REV3L: variants seen among roughly 807,000 people sequenced by gnomAD.
The protein encoded by REV3L is DNA polymerase zeta catalytic subunit.
Under a neutral mutation model 299.4 loss-of-function variants are expected in REV3L, and 69 were observed. The ratio of observed to expected loss-of-function variants is 0.23; its 90% confidence interval spans 0.19 to 0.28. The LOEUF (loss-of-function observed/expected upper bound fraction) is 0.28, where lower values mean the gene tolerates loss of function less well. Among genes scored for constraint, REV3L ranks in the 10% least tolerant of loss-of-function variants. The probability of loss-of-function intolerance (pLI) is 1.00; values close to 1 mark genes in which losing one functional copy is unlikely to be tolerated. For synonymous variants in REV3L, 1,238 were observed against 1,271.4 expected, an observed-to-expected ratio of 0.97 and a Z score of 0.56; for missense variants, 3,128 against 3,693.8, an observed-to-expected ratio of 0.85 and a Z score of 3.97.
At chr6:111,337,697 T>C (rs1195929712) in intron 21 of REV3L, among the ~76,000 whole-genome samples, 1 of 152,204 alleles carries the variant, frequency 6.6e-6, no homozygotes, top group Admixed American at 6.5e-5. Flanking sequence ...TATTATGAGT[T>C]TGATAGACAA....
chr6:111,437,699 A>ACAC (rs1414145298), intron 1 of REV3L, among the ~76,000 whole-genome samples: 1 of 152,128 alleles, frequency 6.6e-6, no homozygotes, highest in Admixed American at 6.5e-5. Flanking sequence ...ATTGGTGGGA[A>ACAC]ATGAGTACTG....
At chr6:111,462,613 G>A (rs185617586) in intron 1 of REV3L, among the ~76,000 whole-genome samples, 3 of 152,180 alleles carry the variant, frequency 2.0e-5, no homozygotes, top group African/African-American at 7.2e-5. Context: ...ACAATGAGAT[G>A]TTTTAAATTA....
rs985558929 is a variant in REV3L at position 111,468,955 on chromosome 6, G to GT, written c.139+13794dup. ...GCGGGTGAATCATTTGAGGTCAGGA[G>GT]TTTGAAACCAGCCTGGCCAAAATGG... is the stretch of plus-strand genomic sequence containing the variant. On this transcript the variant is annotated intron_variant, in intron 1 of 31. Transcript: ENST00000368802. 1.8e-4 allele frequency among the ~76,000 whole-genome samples: 27 copies of GT among 152,250 alleles called. 1 individual carries two copies. In the South Asian group the frequency reaches 2.7e-3, roughly 15 times the overall value.
At position 111,329,584 on chromosome 6, in the gene REV3L, A is replaced by G; in HGVS notation, c.8189T>C (p.Val2730Ala). The G allele has an allele frequency of 6.2e-7, 1 of 1,614,162 alleles. No individual in the cohort carries two copies. The highest frequency in any genetic ancestry group is 1.1e-5 in the South Asian group (1 of 91,082). Residue 2730 changes from valine to alanine, a missense_variant, in exon 25 of 32, where the codon GTC becomes GCC. Val to Ala is a moderately conservative substitution (Grantham distance 64, BLOSUM62 0). This residue lies in a region of REV3L where 53 missense variants were observed against 57.4 expected (regional missense o/e 0.92). Transcript: ENST00000368802. The part of the protein sequence containing the change: ...RQLGLKLIAN[V>A]TFGYTSANFS... ...ATTAGCAGATGTATAGCCAAATGTG[A>G]CATTTGCTATCAGCTTAAGTCCCAA... is the stretch of plus-strand genomic sequence containing the variant.
In REV3L at chr6:111,381,330, A is replaced by C. The variant is rs563350369; in HGVS notation, c.1211T>G (p.Val404Gly). 6.8e-6 allele frequency: 11 copies of C among 1,613,460 alleles called. No individual in the cohort carries two copies. In the South Asian group the frequency reaches 1.1e-4, roughly 16 times the overall value. The change falls in exon 10 of 32, where the codon GTT becomes GGT. Residue 404 changes from valine (V) to glycine (G), a missense_variant. By Grantham distance (109) the Val-to-Gly change is moderately radical. This residue lies in a region of REV3L where 2,409 missense variants were observed against 2,611.8 expected (regional missense o/e 0.92). Transcript: ENST00000368802. ...PLTQRLSESP[V>G]FMDSSPDEAL... ...ATGGTAGCACTGTTACTTACTGAAAACAGGTGACTCACTCAGTCTTTGGGT... is the reference window on the plus strand; with the variant it reads ...ATGGTAGCACTGTTACTTACTGAAACCAGGTGACTCACTCAGTCTTTGGGT...
chr6:111,450,508 C>CAAAAAAAAAAAAAAAAAAAAAAAAA (rs1789400781), intron 1 of REV3L, among the ~76,000 whole-genome samples: 1 of 94,282 alleles, frequency 1.1e-5, no homozygotes. Flanking sequence ...AAAAAAAAAC[C>CAAAAAAAAAAAAAAAAAAAAAAAAA]AAAAAACATT....
Position 111,307,333 on chromosome 6 carries a change from A to C in REV3L, c.9252+28T>G, listed in dbSNP as rs780368582. ...TTCCTGTAAGATCAGACTGCTTGTG[A>C]TTCTGGGCCCATGGAACAAAACTGT... On this transcript the variant is annotated intron_variant, in intron 31 of 31. Coordinates refer to ENST00000368802, the MANE Select transcript of REV3L (RefSeq NM_001372078.1). 9 of 1,589,372 alleles carry C rather than the reference A, an allele frequency of 5.7e-6. No individual in the cohort carries two copies. The African/African-American group carries it at 1.1e-4, about 19-fold the overall frequency.
At chr6:111,400,247 T>C (rs1782951664) in intron 4 of REV3L, among the ~76,000 whole-genome samples, 1 of 152,204 alleles carries the variant, frequency 6.6e-6, no homozygotes. Flanking sequence ...TAGGTAAACA[T>C]ACCTAGGAGT....
intron 1 of REV3L, among the ~76,000 whole-genome samples, chr6:111,467,143 C>G (rs776010477): frequency 6.6e-6 from 1 of 152,062 alleles, no homozygotes; most frequent in Non-Finnish European, 1.5e-5. Context: ...AGAAAGGGTT[C>G]GACAACTTTA....
At chr6:111,435,140 A>G (rs1787402441) in intron 1 of REV3L, among the ~76,000 whole-genome samples, 1 of 152,194 alleles carries the variant, frequency 6.6e-6, no homozygotes, top group Admixed American at 6.5e-5. Context: ...CCAGAAGTCA[A>G]GGCTGCAGTG....
chr6:111,460,741 T>C (rs975224658), intron 1 of REV3L, among the ~76,000 whole-genome samples: 2 of 152,228 alleles, frequency 1.3e-5, no homozygotes, highest in Non-Finnish European at 2.9e-5. Flanking sequence ...ATATTTTTCT[T>C]ATTTGCAATT....
chr6:111,365,269 G>C lies in REV3L; in HGVS notation c.6749C>G (p.Ala2250Gly), dbSNP rs778440867. 4 of 1,501,414 alleles carry C rather than the reference G, an allele frequency of 2.7e-6. No homozygotes were observed. In the Admixed American group the frequency reaches 8.4e-5, roughly 31 times the overall value. 93.0% of individuals were successfully genotyped at this position (1,501,414 alleles called of 1,614,324 possible). A position where few individuals can be genotyped will look rare whatever the true frequency, so the allele number is the denominator to read the frequency against. Residue 2250 changes from alanine to glycine, a missense_variant, in exon 15 of 32, where the codon GCA becomes GGA. By Grantham distance (60) the Ala-to-Gly change is moderately conservative (BLOSUM62 0). Transcript: ENST00000368802. ...DTLRRVLLTQ[A>G]KNQFAAVNTP... Reference sequence around the variant, plus strand: ...AAAAATGTTTAGTATAGTTACCTTTGCTTGTGTTAACAGTACTCTTCTAAG... The same window carrying C: ...AAAAATGTTTAGTATAGTTACCTTTCCTTGTGTTAACAGTACTCTTCTAAG...
At chr6:111,413,942 T>TA (rs1477806565) in intron 2 of REV3L, among the ~76,000 whole-genome samples, 2 of 152,016 alleles carry the variant, frequency 1.3e-5, no homozygotes, top group African/African-American at 2.4e-5. Context: ...AACTAAAAGA[T>TA]AAAGTAGATA....
chr6:111,463,557 T>C (rs573797936), intron 1 of REV3L, among the ~76,000 whole-genome samples: 1 of 152,310 alleles, frequency 6.6e-6, no homozygotes, highest in South Asian at 2.1e-4. Context: ...AAAATATACT[T>C]CTTAGAATTG....
At chr6:111,401,921 G>A (rs900462707) in intron 4 of REV3L, among the ~76,000 whole-genome samples, 2 of 151,966 alleles carry the variant, frequency 1.3e-5, no homozygotes, top group Non-Finnish European at 2.9e-5. Flanking sequence ...AGACCAGCCT[G>A]AGCAACATGG....
chr6:111,333,048 C>A, intron 23 of REV3L, 75 bp downstream of exon 23: 2 of 1,544,596 alleles, frequency 1.3e-6, no homozygotes, highest in Non-Finnish European at 1.8e-6. Context: ...AGCAAAGAGA[C>A]ACTCAGAAAG....
rs1162454443 is a variant in REV3L at position 111,483,144 on chromosome 6, T to TGCCGCCACC, written c.-265_-257dup. 8 of 488,338 alleles carry TGCCGCCACC rather than the reference T, an allele frequency of 1.6e-5. No individual in the cohort carries two copies. Among genetic ancestry groups the TGCCGCCACC allele is most frequent in the South Asian group, 1.1e-4 (3 of 27,610 alleles). 30.3% of individuals were successfully genotyped at this position (488,338 alleles called of 1,614,324 possible). The stretch of plus-strand genomic sequence containing the variant: ...TCGTCGGTGCTGGTGCTGCCGCCAC[T>TGCCGCCACC]GCCGCCACCGCCGGGAATCACACGG... On this transcript the variant is annotated 5_prime_UTR_variant, in exon 1 of 32. Transcript: ENST00000368802.
intron 31 of REV3L, among the ~76,000 whole-genome samples, chr6:111,304,958 T>G (rs1772107891): frequency 6.6e-6 from 1 of 151,216 alleles, no homozygotes; most frequent in Admixed American, 6.6e-5. Context: ...TTTTTTTTTT[T>G]GAGACAGAGT....
At chr6:111,462,696 T>C (rs1790941858) in intron 1 of REV3L, among the ~76,000 whole-genome samples, 1 of 152,110 alleles carries the variant, frequency 6.6e-6, no homozygotes, top group South Asian at 2.1e-4. Context: ...AACTCACACT[T>C]CTGGTGGGAG....
Sources: allele counts gnomAD v4.1 joint callset (sites outside exome capture counted in the v4.1 genomes callset), GRCh38; gene constraint gnomAD v4.1.1; regional missense constraint gnomAD v4.1.1; transcripts MANE v1.5; gene names NCBI Gene and HGNC (gene_info 2026-07-23, HGNC 2026-07-21).